TRMT11: variants seen among roughly 807,000 people sequenced by gnomAD.
The protein encoded by TRMT11 is tRNA methyltransferase 11.
A neutral mutation model predicts 62.8 loss-of-function variants in TRMT11; 53 were observed. The observed-to-expected ratio is 0.84, with a 90% CI of 0.68 to 1.06. TRMT11 has a LOEUF of 1.06. Ranked by LOEUF, TRMT11 falls within the 50% of genes least tolerant of loss-of-function variation. The pLI, the probability that TRMT11 is intolerant of heterozygous loss-of-function variation, is 0.00. For synonymous variants in TRMT11, 188 were observed against 190.3 expected, an observed-to-expected ratio of 0.99 and a Z score of 0.10; for missense variants, 556 against 553.4, an observed-to-expected ratio of 1.00 and a Z score of -0.05.
In TRMT11 at chr6:126,012,812, C is replaced by CAGAAGG; in HGVS notation, c.971_976dup (p.Lys324_Glu325dup). On this transcript the variant is annotated inframe_insertion, in exon 10 of 13. Coordinates refer to ENST00000334379, the MANE Select transcript of TRMT11 (RefSeq NM_001031712.3). ...AGAATCTACAAGAAGAACAGGTTCACAGAAGGAGATACCAAAGGGGATAGA... is the reference window on the plus strand; with the variant it reads ...AGAATCTACAAGAAGAACAGGTTCACAGAAGGAGAAGGAGATACCAAAGGGGATAGA... 6.2e-7 allele frequency: 1 copy of CAGAAGG among 1,613,646 alleles called. No individual in the cohort carries two copies. Among genetic ancestry groups the CAGAAGG allele is most frequent in the Non-Finnish European group, 8.5e-7 (1 of 1,179,680 alleles).
chr6:126,131,555 C>A (rs930828520), intron 21 of TRMT11, among the ~76,000 whole-genome samples: 1 of 151,914 alleles, frequency 6.6e-6, no homozygotes, highest in Non-Finnish European at 1.5e-5. Flanking sequence ...GAAACGAGGC[C>A]AGACTGCCCC....
intron 1 of TRMT11, among the ~76,000 whole-genome samples, chr6:126,190,682 G>A (rs1778588237): frequency 1.3e-5 from 2 of 152,116 alleles, no homozygotes; most frequent in Admixed American, 1.3e-4. Context: ...CTATGAGTGA[G>A]AACATGTAAT....
chr6:126,042,999 C>G (rs931673966), downstream of TRMT11, among the ~76,000 whole-genome samples: 1 of 152,040 alleles, frequency 6.6e-6, no homozygotes, highest in African/African-American at 2.4e-5. Context: ...GACTTCTGCA[C>G]AAAGAGCCAA....
chr6:126,199,502 A>G (rs1470467053), intron 2 of TRMT11, among the ~76,000 whole-genome samples: 1 of 152,206 alleles, frequency 6.6e-6, no homozygotes, highest in African/African-American at 2.4e-5. Context: ...CAGAGTCCAA[A>G]TGTGTTAGAC....
chr6:126,142,897 C>T (rs1375409067), intron 21 of TRMT11, among the ~76,000 whole-genome samples: 1 of 151,862 alleles, frequency 6.6e-6, no homozygotes, highest in Non-Finnish European at 1.5e-5. Context: ...AGTATCTGTT[C>T]AAATAAAAGG....
chr6:126,187,218 G>C (rs1262235102), intron 1 of TRMT11, among the ~76,000 whole-genome samples: 1 of 151,622 alleles, frequency 6.6e-6, no homozygotes, highest in Admixed American at 6.6e-5. Context: ...AAACTCTATG[G>C]AACCCACAAA....
At chr6:126,183,197 G>A (rs1778487023) in intron 1 of TRMT11, among the ~76,000 whole-genome samples, 5 of 152,084 alleles carry the variant, frequency 3.3e-5, no homozygotes, top group Admixed American at 3.3e-4. Flanking sequence ...TCAACCCCAA[G>A]CACATTAGTT....
chr6:126,015,400 G>A (rs952881005), intron 11 of TRMT11, among the ~76,000 whole-genome samples: 1 of 151,756 alleles, frequency 6.6e-6, no homozygotes. Context: ...CTAATTTTTT[G>A]TATTTTTTTA....
At chr6:126,160,989 G>T (rs1778183712) in intron 21 of TRMT11, among the ~76,000 whole-genome samples, 1 of 152,074 alleles carries the variant, frequency 6.6e-6, no homozygotes, top group South Asian at 2.1e-4. Flanking sequence ...TACAAATCGG[G>T]GTGAGTCAAA....
At chr6:126,039,512 C>T (rs902715259), downstream of TRMT11, among the ~76,000 whole-genome samples, 2 of 152,012 alleles carry the variant, frequency 1.3e-5, no homozygotes, top group African/African-American at 4.8e-5. Flanking sequence ...TAACTACCCA[C>T]AATTTTTGGT....
intron 21 of TRMT11, among the ~76,000 whole-genome samples, chr6:126,152,168 G>A (rs1778067118): frequency 6.7e-6 from 1 of 150,332 alleles, no homozygotes; most frequent in South Asian, 2.1e-4. Flanking sequence ...ACACAGAAAA[G>A]TTTAAACTGC....
chr6:126,255,155 C>A, the TRMT11 span, among the ~76,000 whole-genome samples: 13 of 152,164 alleles, frequency 8.5e-5, no homozygotes, highest in Non-Finnish European at 1.9e-4. Context: ...GTTCTAAATT[C>A]TTTGTCTGAT....
chr6:126,150,142 A>G (rs1479414858), intron 21 of TRMT11, among the ~76,000 whole-genome samples: 1 of 152,156 alleles, frequency 6.6e-6, no homozygotes, highest in Admixed American at 6.6e-5. Flanking sequence ...AGATTAATGA[A>G]TTATCATGGG....
chr6:126,241,912 T>C, the TRMT11 span, among the ~76,000 whole-genome samples: 3 of 152,298 alleles, frequency 2.0e-5, no homozygotes, highest in East Asian at 5.8e-4. Flanking sequence ...CTATTCAATA[T>C]AGTGTTGGAA....
At chr6:126,173,256 A>G (rs1449683100), upstream of TRMT11, among the ~76,000 whole-genome samples, 1 of 152,224 alleles carries the variant, frequency 6.6e-6, no homozygotes, top group Admixed American at 6.5e-5. Context: ...ATAAAAATAT[A>G]TGATTTGTCT....
intron 12 of TRMT11, among the ~76,000 whole-genome samples, chr6:126,030,578 C>T (rs1257074212): frequency 6.6e-6 from 1 of 152,166 alleles, no homozygotes; most frequent in Non-Finnish European, 1.5e-5. Context: ...CACTGGTTTT[C>T]ACTTATCATA....
At chr6:126,178,884 A>G (rs564346738) in intron 1 of TRMT11, among the ~76,000 whole-genome samples, 3 of 152,188 alleles carry the variant, frequency 2.0e-5, no homozygotes, top group Admixed American at 6.5e-5. Context: ...TTCAGCCCCA[A>G]TTTCAATTCT....
chr6:126,214,529 C>G, the TRMT11 span, among the ~76,000 whole-genome samples: 1 of 151,828 alleles, frequency 6.6e-6, no homozygotes, highest in African/African-American at 2.4e-5. Flanking sequence ...CACGTAGTTG[C>G]TCATAGTAGC....
chr6:126,020,197 T>C (rs764531858), intron 11 of TRMT11, among the ~76,000 whole-genome samples: 2 of 152,330 alleles, frequency 1.3e-5, no homozygotes, highest in East Asian at 1.9e-4. Flanking sequence ...CCTTTGCTAT[T>C]TTGGAGCAGA....
Sources: allele counts gnomAD v4.1 joint callset (sites outside exome capture counted in the v4.1 genomes callset), GRCh38; gene constraint gnomAD v4.1.1; transcripts MANE v1.5; gene names NCBI Gene and HGNC (gene_info 2026-07-23, HGNC 2026-07-21).